Variants in KIAA1549L observed in about 807,000 individuals in gnomAD.
KIAA1549L encodes UPF0606 protein KIAA1549L.
In KIAA1549L, 88 loss-of-function variants were observed where a neutral mutation model predicts 160.7. The observed-to-expected ratio is 0.55, with a 90% confidence interval of 0.46 to 0.65. The LOEUF is 0.65. Among genes scored for constraint, KIAA1549L ranks in the 30% least tolerant of loss-of-function variants. The pLI is 0.00. For synonymous variants in KIAA1549L, 950 were observed against 976.7 expected, an observed-to-expected ratio of 0.97 and a Z score of 0.51; for missense variants, 2,258 against 2,437.5, an observed-to-expected ratio of 0.93 and a Z score of 1.55.
At chr11:33,585,646 A>C (rs1855789623) in intron 11 of KIAA1549L, among the ~76,000 whole-genome samples, 1 of 152,252 alleles carries the variant, frequency 6.6e-6, no homozygotes, top group African/African-American at 2.4e-5. Flanking sequence ...CAGGAATACA[A>C]AACATGCCAT....
Position 33,589,749 on chromosome 11 carries a change from C to A in KIAA1549L, c.4567-1488C>A, listed in dbSNP as rs552563398. Among the ~76,000 whole-genome samples the A allele has an allele frequency of 2.6e-3, 395 of 149,340 alleles. 1 individual carries two copies. The highest frequency in any genetic ancestry group is 9.5e-3 in the African/African-American group (382 of 40,294). On this transcript the variant is annotated intron_variant, in intron 11 of 20. Coordinates refer to ENST00000658780, the MANE Select transcript of KIAA1549L (RefSeq NM_012194.3). ...ACACAGGAAGGGAGACATCACACAC[C>A]AGGGCCTGTTGTGGGGTGGGGGAGG...
intron 1 of KIAA1549L, among the ~76,000 whole-genome samples, chr11:33,438,265 A>G (rs2615907): frequency 0.72 from 109,139 of 152,024 alleles, 39,913 homozygotes; most frequent in African/African-American, 0.87. Context: ...AAATTAATTG[A>G]CCCATTTAAT....
intron 1 of KIAA1549L, among the ~76,000 whole-genome samples, chr11:33,386,155 C>T (rs1850168581): frequency 6.6e-6 from 1 of 152,150 alleles, no homozygotes; most frequent in African/African-American, 2.4e-5. Context: ...TTGCCTTGAT[C>T]CTGGCATTGG....
intron 16 of KIAA1549L, among the ~76,000 whole-genome samples, chr11:33,620,029 G>GT (rs56699912): frequency 0.081 from 12,329 of 152,158 alleles, 864 homozygotes; most frequent in East Asian, 0.18. Flanking sequence ...CATTAATAGG[G>GT]TTTTTTAGTG....
intron 15 of KIAA1549L, among the ~76,000 whole-genome samples, chr11:33,615,909 T>C (rs1482670946): frequency 6.6e-6 from 1 of 152,194 alleles, no homozygotes; most frequent in Non-Finnish European, 1.5e-5. Context: ...GGATGAGAAT[T>C]CCTCTCGAGT....
At chr11:33,484,684 G>T (rs75692823) in intron 1 of KIAA1549L, among the ~76,000 whole-genome samples, 2 of 152,132 alleles carry the variant, frequency 1.3e-5, no homozygotes, top group Non-Finnish European at 2.9e-5. Flanking sequence ...TATTGTTAGC[G>T]TCTGCTGGTG....
intron 1 of KIAA1549L, among the ~76,000 whole-genome samples, chr11:33,486,137 CA>C (rs1460936989): frequency 6.6e-6 from 1 of 151,960 alleles, no homozygotes; most frequent in East Asian, 1.9e-4. Flanking sequence ...GGGTATATAC[CA>C]CAATGAAACA....
Position 33,668,013 on chromosome 11 carries a change from C to T in KIAA1549L, c.6300C>T (p.Ala2100=). 1.2e-6 allele frequency: 2 copies of T among 1,614,020 alleles called. No individual in the cohort carries two copies. The highest frequency in any genetic ancestry group is 1.7e-6 in the Non-Finnish European group (2 of 1,179,910). ...AGGCCCCGGCGCCCTCCACAGCGGC[C>T]TCGCAGCAGAGCCTGGCAGAAAACG... is the stretch of plus-strand genomic sequence containing the variant. The part of the protein sequence containing the change: ...LEQAPAPSTA[A]SQQSLAENDP... Residue 2100 remains alanine (A), a synonymous_variant, in exon 21 of 21, where the codon GCC becomes GCT. Coordinates refer to ENST00000658780, the MANE Select transcript of KIAA1549L (RefSeq NM_012194.3).
intron 12 of KIAA1549L, among the ~76,000 whole-genome samples, chr11:33,593,556 C>A (rs1431471719): frequency 1.3e-5 from 2 of 152,186 alleles, no homozygotes; most frequent in African/African-American, 4.8e-5. Context: ...CTGCCGTGAC[C>A]TAGGTGAGAG....
At chr11:33,634,510 T>G (rs2133382287) in intron 16 of KIAA1549L, among the ~76,000 whole-genome samples, 1 of 152,292 alleles carries the variant, frequency 6.6e-6, no homozygotes, top group African/African-American at 2.4e-5. Flanking sequence ...GGACAGTGGT[T>G]GCAACTCAAG....
At position 33,618,514 on chromosome 11, in the gene KIAA1549L, G is replaced by C. The variant is rs1261788486; in HGVS notation, c.5280-19G>C. ...TCAGGGCATTTGCTGCATCATAACA[G>C]TTGTTGAATTTTCTTCAGGCAACAG... On this transcript the variant is annotated intron_variant, in intron 15 of 20. Transcript: ENST00000658780. 6.3e-7 allele frequency: 1 copy of C among 1,596,214 alleles called. No homozygotes were observed. Among genetic ancestry groups the C allele is most frequent in the Non-Finnish European group, 8.6e-7 (1 of 1,167,308 alleles).
intron 15 of KIAA1549L, among the ~76,000 whole-genome samples, chr11:33,615,488 G>A (rs903167808): frequency 2.4e-4 from 36 of 152,122 alleles, no homozygotes; most frequent in African/African-American, 7.7e-4. Flanking sequence ...TACCTAATGG[G>A]ATGCTATCTT....
chr11:33,454,451 A>G (rs960206498), intron 1 of KIAA1549L, among the ~76,000 whole-genome samples: 1 of 152,234 alleles, frequency 6.6e-6, no homozygotes, highest in African/African-American at 2.4e-5. Context: ...ACAGAAAGCT[A>G]TAAAATTCTG....
chr11:33,519,888 C>T (rs549198294), intron 1 of KIAA1549L, among the ~76,000 whole-genome samples: 7 of 151,768 alleles, frequency 4.6e-5, no homozygotes, highest in African/African-American at 9.7e-5. Flanking sequence ...GTAAGAGGTA[C>T]GAAATATCCT....
At chr11:33,662,311 G>A (rs542365623) in intron 20 of KIAA1549L, among the ~76,000 whole-genome samples, 1 of 152,228 alleles carries the variant, frequency 6.6e-6, no homozygotes, top group African/African-American at 2.4e-5. Flanking sequence ...CCTTAAGTGT[G>A]CTTTGCATCA....
chr11:33,453,378 C>G (rs1379085879), intron 1 of KIAA1549L, among the ~76,000 whole-genome samples: 1 of 152,064 alleles, frequency 6.6e-6, no homozygotes, highest in African/African-American at 2.4e-5. Flanking sequence ...GTGGGGGATG[C>G]CTCAAGTTGA....
At chr11:33,432,231 C>T (rs1017508695) in intron 1 of KIAA1549L, among the ~76,000 whole-genome samples, 2 of 152,202 alleles carry the variant, frequency 1.3e-5, no homozygotes, top group Non-Finnish European at 2.9e-5. Flanking sequence ...CAAGTGCCGC[C>T]AAAGTAGGAG....
chr11:33,507,374 A>G (rs1422080026), intron 1 of KIAA1549L, among the ~76,000 whole-genome samples: 1 of 152,210 alleles, frequency 6.6e-6, no homozygotes, highest in East Asian at 1.9e-4. Flanking sequence ...TTGATGCTAT[A>G]TATTGAAAAA....
intron 9 of KIAA1549L, among the ~76,000 whole-genome samples, chr11:33,573,328 G>A (rs1241103213): frequency 6.6e-6 from 1 of 151,982 alleles, no homozygotes; most frequent in Non-Finnish European, 1.5e-5. Context: ...TCTGAATTTT[G>A]TATTAAATCA....
Sources: gnomAD v4.1 joint callset for allele counts (sites outside exome capture counted in the v4.1 genomes callset) on GRCh38, gnomAD v4.1.1 for gene constraint, MANE v1.5 for transcripts, NCBI Gene and HGNC (gene_info 2026-07-23, HGNC 2026-07-21) for gene names.